The following BROX variants were observed in gnomAD, a reference collection of about 807,000 sequenced individuals.
The protein encoded by BROX is BRO1 domain and CAAX motif containing, also known as BRO1 domain-containing protein BROX.
In BROX, 53 loss-of-function variants were observed where a neutral mutation model predicts 61.0. The ratio of observed to expected loss-of-function variants is 0.87; its 90% CI spans 0.70 to 1.09. The LOEUF is 1.09. Among genes scored for constraint, BROX ranks in the 50% least tolerant of loss-of-function variants. The pLI is 0.00. For missense variants in BROX, 489 were observed against 472.0 expected (o/e 1.04, Z -0.33); for synonymous variants, 152 against 160.2 (o/e 0.95, Z 0.38).
rs1162561538 is a variant in BROX at position 222,727,288 on chromosome 1, A to G, written c.670+31A>G. 3 of 1,485,480 alleles carry G rather than the reference A, an allele frequency of 2.0e-6. No individual in the cohort carries two copies. In the Admixed American group the frequency reaches 5.1e-5, roughly 25 times the overall value. The allele number at this position is 1,485,480 out of a possible 1,614,324, so 92.0% of individuals were successfully genotyped here. A position where few individuals can be genotyped will look rare whatever the true frequency, so the allele number is the denominator to read the frequency against. ...CTTCTAATTCTGTCGTTACATTTTT[A>G]GTCTTTAGATTTTCAGATTTATTTG... On this transcript the variant is annotated intron_variant, in intron 8 of 12. Transcript: ENST00000340934.
At chr1:222,714,487 C>T (rs540403612) in intron 1 of BROX, among the ~76,000 whole-genome samples, 10 of 150,918 alleles carry the variant, frequency 6.6e-5, no homozygotes, top group African/African-American at 2.2e-4. Context: ...CGTGAGCCAC[C>T]GCGCGTTTTT....
chr1:222,727,783 A>C (rs978906032), intron 8 of BROX, among the ~76,000 whole-genome samples: 6 of 152,224 alleles, frequency 3.9e-5, no homozygotes, highest in Admixed American at 3.9e-4. Flanking sequence ...ATCCTGAAGT[A>C]AGACATCACA....
Position 222,713,729 on chromosome 1 carries a change from G to GT in BROX, c.-17+788dup, listed in dbSNP as rs574711787. Reference sequence around the variant, plus strand: ...GAAGTAGGAGGCCGCATTAAAAGAAGTATTTGTGGAAGATTTCGCAGCCTC... The same window carrying GT: ...GAAGTAGGAGGCCGCATTAAAAGAAGTTATTTGTGGAAGATTTCGCAGCCTC... On this transcript the variant is annotated intron_variant, in intron 1 of 12. Coordinates refer to ENST00000340934, the MANE Select transcript of BROX (RefSeq NM_144695.4). The GT allele has an allele frequency of 5.3e-3, 815 of 152,382 alleles. 3 individuals carry two copies. Among genetic ancestry groups the GT allele is most frequent in the Non-Finnish European group, 8.6e-3 (587 of 68,080 alleles). The allele number at this position is 152,382 out of a possible 1,614,324, so 9.4% of individuals were successfully genotyped here.
chr1:222,725,697 C>T (rs974316652), intron 7 of BROX, 142 bp downstream of exon 7: 1 of 532,728 alleles, frequency 1.9e-6, no homozygotes, highest in Admixed American at 3.9e-5. Flanking sequence ...CTCACTTGAG[C>T]CCAGGAGTTC....
intron 1 of BROX, 76 bp downstream of exon 1, chr1:222,713,018 C>T (rs943483623): frequency 8.6e-7 from 1 of 1,166,260 alleles, no homozygotes; most frequent in Non-Finnish European, 1.1e-6. Flanking sequence ...AATAGGATCA[C>T]CCCCTTTTAC....
At chr1:222,731,311 A>C in intron 11 of BROX, 46 bp from the exon 12 acceptor site, 1 of 1,500,522 alleles carries the variant, frequency 6.7e-7, no homozygotes, top group South Asian at 1.3e-5. Flanking sequence ...TAGGCACTCA[A>C]ATAACGAACA....
intron 1 of BROX, chr1:222,713,326 C>T (rs1656214119): frequency 4.1e-6 from 4 of 985,646 alleles, no homozygotes; most frequent in East Asian, 2.3e-4. Flanking sequence ...GCACGGTCGC[C>T]GCCCGCTGCC....
At position 222,732,832 on chromosome 1, in the gene BROX, G is replaced by C; in HGVS notation, c.*118G>C. 1 of 772,108 alleles carries C rather than the reference G, an allele frequency of 1.3e-6. No individual in the cohort carries two copies. The highest frequency in any genetic ancestry group is 2.1e-6 in the Non-Finnish European group (1 of 485,072). The allele number at this position is 772,108 out of a possible 1,614,324, so 47.8% of individuals were successfully genotyped here. A position where few individuals can be genotyped will look rare whatever the true frequency, so the allele number is the denominator to read the frequency against. Reference sequence around the variant, plus strand: ...GTAGAATAACTATTATATTCAGAGGGTTATCTGCCTTCAGCTTACTTGTTC... The same window carrying C: ...GTAGAATAACTATTATATTCAGAGGCTTATCTGCCTTCAGCTTACTTGTTC... On this transcript the variant is annotated 3_prime_UTR_variant, in exon 13 of 13. Transcript: ENST00000340934.
At chr1:222,717,288 C>A (rs1425643003) in intron 2 of BROX, among the ~76,000 whole-genome samples, 2 of 152,176 alleles carry the variant, frequency 1.3e-5, no homozygotes, top group Admixed American at 1.3e-4. Flanking sequence ...AAGCTCTGAT[C>A]TAGACTCCTG....
Position 222,712,791 on chromosome 1 carries a change from G to C in BROX, c.-168G>C. On this transcript the variant is annotated 5_prime_UTR_variant, in exon 1 of 13. Transcript: ENST00000340934. ...CCTCGGTAGCTATCATGGCCGCCGG[G>C]TCACGTGACTCCGGCTTGGCGCCGT... is the stretch of plus-strand genomic sequence containing the variant. 7.8e-7 allele frequency: 1 copy of C among 1,289,348 alleles called. No homozygotes were observed. Among genetic ancestry groups the C allele is most frequent in the Non-Finnish European group, 1.0e-6 (1 of 988,842 alleles). The allele number at this position is 1,289,348 out of a possible 1,614,324, so 79.9% of individuals were successfully genotyped here.
intron 7 of BROX, among the ~76,000 whole-genome samples, chr1:222,725,764 G>T (rs569030869): frequency 2.3e-3 from 353 of 152,050 alleles, no homozygotes; most frequent in Non-Finnish European, 4.2e-3. Flanking sequence ...ACAAAAATTA[G>T]CTGGGCATGG....
At chr1:222,729,547 A>AT in intron 9 of BROX, 73 bp from the exon 10 acceptor site, 2 of 1,161,076 alleles carry the variant, frequency 1.7e-6, no homozygotes, top group Non-Finnish European at 2.6e-6. Flanking sequence ...AATTTATCTG[A>AT]TAGATACATA....
chr1:222,725,300 G>GT (rs1322270705), intron 6 of BROX, 150 bp from the exon 7 acceptor site: 1 of 532,968 alleles, frequency 1.9e-6, no homozygotes, highest in Non-Finnish European at 3.3e-6. Flanking sequence ...GCTTACTGTT[G>GT]TTAGTTTTTA....
rs2124977906 is a variant in BROX at position 222,712,596 on chromosome 1, A to G, written c.-363A>G. 7.4e-7 allele frequency: 1 copy of G among 1,355,662 alleles called. No homozygotes were observed. 84.0% of individuals were successfully genotyped at this position (1,355,662 alleles called of 1,614,324 possible). A position where few individuals can be genotyped will look rare whatever the true frequency, so the allele number is the denominator to read the frequency against. Reference sequence around the variant, plus strand: ...CGAGGGCCGCCATCGCTATTGCGGCATTCTCCCTCGGCTCCGGAGGTAGGG... The same window carrying G: ...CGAGGGCCGCCATCGCTATTGCGGCGTTCTCCCTCGGCTCCGGAGGTAGGG... On this transcript the variant is annotated 5_prime_UTR_variant, in exon 1 of 13. Transcript: ENST00000340934.
At chr1:222,730,313 G>A in intron 11 of BROX, 136 bp downstream of exon 11, 1 of 543,564 alleles carries the variant, frequency 1.8e-6, no homozygotes, top group African/African-American at 2.0e-5. Flanking sequence ...ACTCACTCAT[G>A]GGCTAGGCGT....
At chr1:222,714,176 A>G (rs1003431606) in intron 1 of BROX, among the ~76,000 whole-genome samples, 5 of 147,638 alleles carry the variant, frequency 3.4e-5, no homozygotes, top group African/African-American at 5.1e-5. Context: ...CTGCTGCACT[A>G]CCTACCCAAG....
intron 7 of BROX, among the ~76,000 whole-genome samples, chr1:222,726,717 C>CAA (rs113885916): frequency 7.5e-6 from 1 of 132,516 alleles, no homozygotes; most frequent in Non-Finnish European, 1.7e-5. Context: ...AACTCCATCT[C>CAA]AAAAAAAAAA....
intron 2 of BROX, among the ~76,000 whole-genome samples, chr1:222,718,364 TG>T (rs1656795476): frequency 6.6e-6 from 1 of 152,200 alleles, no homozygotes; most frequent in Admixed American, 6.5e-5. Flanking sequence ...TACATATTCT[TG>T]ATGTATATGT....
chr1:222,728,260 G>A (rs150108973), intron 8 of BROX, among the ~76,000 whole-genome samples: 5 of 152,252 alleles, frequency 3.3e-5, no homozygotes, highest in South Asian at 2.1e-4. Flanking sequence ...ATACAGCAAC[G>A]TAGCAAATAG....
Sources: allele counts gnomAD v4.1 joint callset (sites outside exome capture counted in the v4.1 genomes callset), GRCh38; gene constraint gnomAD v4.1.1; transcripts MANE v1.5; gene names NCBI Gene and HGNC (gene_info 2026-07-23, HGNC 2026-07-21).